Variants in DNAH1 observed in about 807,000 individuals in gnomAD.
DNAH1 encodes axonemal beta dynein heavy chain 1.
A neutral mutation model predicts 484.3 loss-of-function variants in DNAH1; 327 were observed. The ratio of observed to expected loss-of-function variants is 0.68; its 90% CI spans 0.62 to 0.74. DNAH1 has a LOEUF of 0.74. DNAH1 is among the 30% of genes least tolerant of loss of function. The pLI is 0.00. For missense variants in DNAH1, 5,052 were observed against 5,546.8 expected (o/e 0.91, Z 2.83); for synonymous variants, 2,192 against 2,191.9 (o/e 1.00, Z 0.00).
Position 52,352,008 on chromosome 3 carries a change from C to T in DNAH1, c.2776C>T (p.Leu926=). ...WPSKILGQIE[L]VQQQHVEDEE... ...TTCTAAGATCCTTGGGCAGATAGAGCTGGTGCAGCAGCAGCATGTGGAGGA... is the reference window on the plus strand; with the variant it reads ...TTCTAAGATCCTTGGGCAGATAGAGTTGGTGCAGCAGCAGCATGTGGAGGA... The change falls in exon 17 of 78, where the codon CTG becomes TTG. Residue 926 remains leucine (L), a synonymous_variant. Coordinates refer to ENST00000420323, the MANE Select transcript of DNAH1 (RefSeq NM_015512.5). The T allele has an allele frequency of 6.2e-7, 1 of 1,600,892 alleles. No individual in the cohort carries two copies. The highest frequency in any genetic ancestry group is 1.1e-5 in the South Asian group (1 of 88,202).
chr3:52,386,297 T>C lies in DNAH1; in HGVS notation c.8763T>C (p.Asp2921=), dbSNP rs746235998. 1 of 1,603,810 alleles carries C rather than the reference T, an allele frequency of 6.2e-7. No individual in the cohort carries two copies. Among genetic ancestry groups the C allele is most frequent in the South Asian group, 1.1e-5 (1 of 89,390 alleles). Residue 2921 remains aspartate, a synonymous_variant, in exon 55 of 78, where the codon GAT becomes GAC. Transcript: ENST00000420323. ...TGGACGAGGCGTTGCCAGCCCTGGA[T>C]GCGGCTCTGGCCAGCCTGCGCAACC... ...KDLDEALPAL[D]AALASLRNLN...
Position 52,388,313 on chromosome 3 carries a change from C to T in DNAH1, c.9150C>T (p.Ala3050=), listed in dbSNP as rs1366623198. The change falls in exon 57 of 78, where the codon GCC becomes GCT. Residue 3050 remains alanine, a synonymous_variant. Transcript: ENST00000420323. The part of the protein sequence containing the change: ...VRAMHKYHFV[A]KAVEPKRQAL... The stretch of plus-strand genomic sequence containing the variant: ...CCATGCACAAGTACCACTTTGTGGC[C>T]AAGGCCGTGGAGCCCAAGCGGGTGA... 2.8e-5 allele frequency: 45 copies of T among 1,602,472 alleles called. No individual in the cohort carries two copies. The highest frequency in any genetic ancestry group is 3.7e-5 in the Non-Finnish European group (44 of 1,174,662).
chr3:52,328,047 T>C, intron 6 of DNAH1, 33 bp downstream of exon 6: 1 of 1,602,866 alleles, frequency 6.2e-7, no homozygotes, highest in Non-Finnish European at 8.5e-7. Context: ...GGGGACACTA[T>C]CTCATTCCAG....
chr3:52,366,310 T>C (rs1703070068), intron 34 of DNAH1, 147 bp from the exon 35 acceptor site: 1 of 641,974 alleles, frequency 1.6e-6, no homozygotes, highest in South Asian at 1.9e-5. Context: ...CTGCCTATGA[T>C]GTAGGTGCTA....
In DNAH1 at chr3:52,396,716, T is replaced by C; in HGVS notation, c.11529T>C (p.Tyr3843=). Residue 3843 remains tyrosine, a synonymous_variant, in exon 72 of 78, where the codon TAT becomes TAC. Transcript: ENST00000420323. ...KFGPLGFNIP[Y]EFTDGDLRIC... is the part of the protein sequence containing the mutation. ...GGCCCCTGGGCTTCAACATCCCCTA[T>C]GAGTTCACGGATGGAGATCTGCGCA... 6.2e-7 allele frequency: 1 copy of C among 1,613,606 alleles called. No individual in the cohort carries two copies. Among genetic ancestry groups the C allele is most frequent in the East Asian group, 2.2e-5 (1 of 44,870 alleles).
chr3:52,398,108 ACC>A lies in DNAH1; in HGVS notation c.12037_12038del (p.Pro4013SerfsTer4). The A allele has an allele frequency of 6.2e-7, 1 of 1,613,896 alleles. No individual in the cohort carries two copies. Among genetic ancestry groups the A allele is most frequent in the African/African-American group, 1.3e-5 (1 of 75,036 alleles). On this transcript the variant is annotated frameshift_variant, in exon 75 of 78. Transcript: ENST00000420323. LOFTEE classifies it high-confidence loss of function. ...AACTTGCAATGGGTGATGGCCAAGT[ACC>A]CAGTGCTGTATGAGGAATCAATGAA...
chr3:52,341,530 CTTT>C (rs55645528), intron 8 of DNAH1, among the ~76,000 whole-genome samples: 43 of 101,158 alleles, frequency 4.3e-4, no homozygotes, highest in African/African-American at 1.6e-3. Context: ...TTGACTTTGA[CTTT>C]TTTTTTTTTT....
At chr3:52,356,526 G>A in intron 21 of DNAH1, 88 bp from the exon 22 acceptor site, 1 of 1,366,088 alleles carries the variant, frequency 7.3e-7, no homozygotes, top group South Asian at 1.3e-5. Flanking sequence ...ACATGCTGGT[G>A]GGGTGAAATG....
Position 52,356,847 on chromosome 3 carries a change from C to G in DNAH1, c.3858+69C>G, listed in dbSNP as rs1332752200. On this transcript the variant is annotated intron_variant, in intron 22 of 77. Transcript: ENST00000420323. The stretch of plus-strand genomic sequence containing the variant: ...GCCCTGGTCACATTGCTGGTAGCCT[C>G]CTAGTCTCTTCCCTCCCTACACAGA... The G allele has an allele frequency of 2.0e-6, 3 of 1,518,778 alleles. No homozygotes were observed. The East Asian group carries it at 7.4e-5, about 37-fold the overall frequency. The allele number at this position is 1,518,778 out of a possible 1,614,324, so 94.1% of individuals were successfully genotyped here.
At chr3:52,345,077 T>C (rs936678491) in intron 9 of DNAH1, among the ~76,000 whole-genome samples, 2 of 152,188 alleles carry the variant, frequency 1.3e-5, no homozygotes, top group African/African-American at 4.8e-5. Context: ...GCTTCCTGCA[T>C]GTCATGTACT....
At chr3:52,323,641 G>A (rs1450258107) in intron 2 of DNAH1, among the ~76,000 whole-genome samples, 167 bp from the exon 3 acceptor site, 8 of 152,192 alleles carry the variant, frequency 5.3e-5, no homozygotes, top group Admixed American at 4.6e-4. Context: ...GCCCACTGTG[G>A]CCTTTGAACG....
rs754496050 is a variant in DNAH1 at position 52,373,093 on chromosome 3, C to T, written c.6985+40C>T. ...CCTGGCTCACAGGGCAAGGGCTACG[C>T]GTGCTGTGCAGGGGCACAGGAGGCA... On this transcript the variant is annotated intron_variant, in intron 44 of 77. Transcript: ENST00000420323. 5 of 1,580,396 alleles carry T rather than the reference C, an allele frequency of 3.2e-6. No homozygotes were observed. The South Asian group carries it at 3.4e-5, about 11-fold the overall frequency.
chr3:52,359,406 C>T lies in DNAH1; in HGVS notation c.4407+20C>T, dbSNP rs1314590326. 2.6e-6 allele frequency: 4 copies of T among 1,563,890 alleles called. No homozygotes were observed. The highest frequency in any genetic ancestry group is 2.6e-6 in the Non-Finnish European group (3 of 1,154,260). ...CAGCAGGTTGGAGTCAAGAGGACCC[C>T]TGTCTGTCCCCCTCCACCCCCTACA... On this transcript the variant is annotated intron_variant, in intron 26 of 77. Coordinates refer to ENST00000420323, the MANE Select transcript of DNAH1 (RefSeq NM_015512.5).
chr3:52,330,139 C>T (rs956422305), intron 6 of DNAH1, among the ~76,000 whole-genome samples: 9 of 152,150 alleles, frequency 5.9e-5, no homozygotes, highest in African/African-American at 2.2e-4. Flanking sequence ...CTATGTATTG[C>T]GGCTGCTCTG....
In DNAH1 at chr3:52,362,027, G is replaced by T. The variant is rs1270036776; in HGVS notation, c.4980+261G>T. ...CCTTTCTCTAGCCACGTGCAGGGCG[G>T]CCAGGGACCTTGTTCTGGGGACAGG... On this transcript the variant is annotated intron_variant, in intron 30 of 77. Transcript: ENST00000420323. This position sits in a 1 kb window ranked among gnomAD's most constrained non-coding sequence, Gnocchi z 5.1. Among the ~76,000 whole-genome samples the T allele has an allele frequency of 6.6e-6, 1 of 152,224 alleles. No homozygotes were observed. The highest frequency in any genetic ancestry group is 1.5e-5 in the Non-Finnish European group (1 of 68,044).
At chr3:52,382,509 C>T in intron 50 of DNAH1, 54 bp downstream of exon 50, 1 of 1,598,780 alleles carries the variant, frequency 6.3e-7, no homozygotes, top group African/African-American at 1.3e-5. Context: ...ACAACCCCAT[C>T]TGAGCATAGC....
intron 14 of DNAH1, 77 bp from the exon 15 acceptor site, chr3:52,349,912 G>T (rs1702301016): frequency 1.3e-6 from 2 of 1,524,042 alleles, no homozygotes; most frequent in East Asian, 4.9e-5. Context: ...AGATGCTGGA[G>T]ACCAAGGAGG....
rs1275260661 is a variant in DNAH1 at position 52,326,200 on chromosome 3, C to G, written c.467C>G (p.Ser156Cys). 1.2e-6 allele frequency: 2 copies of G among 1,612,912 alleles called. No individual in the cohort carries two copies. Among genetic ancestry groups the G allele is most frequent in the Admixed American group, 1.7e-5 (1 of 59,910 alleles). Residue 156 changes from serine (S) to cysteine (C), a missense_variant, in exon 4 of 78, where the codon TCC (serine) becomes TGC (cysteine). Ser to Cys is a moderately radical substitution (Grantham distance 112, BLOSUM62 -1). Around this residue, in one of 4 missense-constraint regions of DNAH1, gnomAD observed 1,263 missense variants for 1,218.8 expected, o/e 1.04. Coordinates refer to ENST00000420323, the MANE Select transcript of DNAH1 (RefSeq NM_015512.5). Reference protein sequence around the residue: ...QERMEQQCIGSTTRLLAQTDF... With the variant: ...QERMEQQCIGCTTRLLAQTDF... ...CGCATGGAGCAGCAGTGCATCGGGT[C>G]CACCACCCGGCTGCTCGCCCAGACT...
chr3:52,331,452 C>T, intron 7 of DNAH1, 143 bp downstream of exon 7: 2 of 989,276 alleles, frequency 2.0e-6, no homozygotes, highest in Non-Finnish European at 2.9e-6. Flanking sequence ...CCGGTGAGGA[C>T]CAGAGGACTC....
Sources: gnomAD v4.1 joint callset for allele counts (sites outside exome capture counted in the v4.1 genomes callset) on GRCh38, gnomAD v4.1.1 for gene constraint, gnomAD v4.1.1 regional missense constraint, Gnocchi (gnomAD v3.1) non-coding constraint, MANE v1.5 for transcripts, NCBI Gene and HGNC (gene_info 2026-07-23, HGNC 2026-07-21) for gene names.